Variants in CDIN1 observed in about 807,000 individuals in gnomAD.
CDIN1 encodes CDAN1 interacting nuclease 1.
Under a neutral mutation model 45.3 loss-of-function variants are expected in CDIN1, and 33 were observed. That is an observed-to-expected ratio of 0.73 (90% CI 0.55 to 0.97). The LOEUF (loss-of-function observed/expected upper bound fraction) is 0.97, where lower values mean the gene tolerates loss of function less well. CDIN1 is among the 50% of genes least tolerant of loss of function. The pLI, the probability that CDIN1 is intolerant of heterozygous loss-of-function variation, is 0.00. For missense variants in CDIN1, 303 were observed against 339.4 expected (o/e 0.89, Z 0.84); for synonymous variants, 118 against 124.4 (o/e 0.95, Z 0.34).
chr15:36,766,342 C>T (rs2053923751), intron 10 of CDIN1, among the ~76,000 whole-genome samples: 1 of 152,158 alleles, frequency 6.6e-6, no homozygotes, highest in South Asian at 2.1e-4. Context: ...ATCTTAGTTA[C>T]TGTGAATATT....
At chr15:36,607,896 A>G (rs2038455840) in intron 1 of CDIN1, among the ~76,000 whole-genome samples, 1 of 152,156 alleles carries the variant, frequency 6.6e-6, no homozygotes, top group Admixed American at 6.5e-5. Context: ...GTCCTAGGCG[A>G]TCACTAATCT....
Position 36,587,005 on chromosome 15 carries a change from C to T in CDIN1, c.101+7044C>T, listed in dbSNP as rs1470320255. ...AATTATTTTGCTAGTAGACCAAGCCCTCTGGCACAAGTTTAATTTTTCCTT... is the reference window on the plus strand; with the variant it reads ...AATTATTTTGCTAGTAGACCAAGCCTTCTGGCACAAGTTTAATTTTTCCTT... On this transcript the variant is annotated intron_variant, in intron 1 of 10. Coordinates refer to ENST00000566621, the MANE Select transcript of CDIN1 (RefSeq NM_001321759.2). Among the ~76,000 whole-genome samples the T allele has an allele frequency of 3.3e-5, 5 of 152,142 alleles. No individual in the cohort carries two copies. The East Asian group carries it at 9.6e-4, about 29-fold the overall frequency.
intron 1 of CDIN1, among the ~76,000 whole-genome samples, chr15:36,619,564 T>C (rs562650732): frequency 6.6e-6 from 1 of 152,024 alleles, no homozygotes; most frequent in Non-Finnish European, 1.5e-5. Flanking sequence ...TCTATTTTTG[T>C]TTTTGGTTTT....
chr15:36,782,361 G>T (rs1266949982), intron 10 of CDIN1, among the ~76,000 whole-genome samples: 1 of 152,068 alleles, frequency 6.6e-6, no homozygotes, highest in Non-Finnish European at 1.5e-5. Flanking sequence ...CATTTTACAA[G>T]AAAATGAGGC....
chr15:36,692,373 G>A (rs1161519057), intron 7 of CDIN1, among the ~76,000 whole-genome samples, 198 bp downstream of exon 7: 1 of 152,176 alleles, frequency 6.6e-6, no homozygotes, highest in Non-Finnish European at 1.5e-5. Context: ...ACCACAGGAA[G>A]ATGTCAGTTC....
At chr15:36,790,380 T>C (rs2054613601) in intron 10 of CDIN1, 1 of 152,228 alleles carries the variant, frequency 6.6e-6, no homozygotes, top group South Asian at 2.1e-4. Flanking sequence ...ACGCCAGTGT[T>C]GCAATATTGC....
intron 10 of CDIN1, among the ~76,000 whole-genome samples, chr15:36,760,140 T>A (rs548662050): frequency 1.3e-5 from 2 of 152,332 alleles, no homozygotes; most frequent in Admixed American, 1.3e-4. Context: ...AATGCTTGCA[T>A]TATATGGCAA....
chr15:36,738,684 T>C lies in CDIN1; in HGVS notation c.716+28723T>C, dbSNP rs374448029. On this transcript the variant is annotated intron_variant, in intron 10 of 10. Transcript: ENST00000566621. ...AGCTCACTGTCCAAAGTCAGACACA[T>C]CACCACCTTCTCAGACCTAATCTGA... Among the ~76,000 whole-genome samples the C allele has an allele frequency of 3.3e-5, 5 of 152,298 alleles. No individual in the cohort carries two copies. The East Asian group carries it at 5.8e-4, about 18-fold the overall frequency.
chr15:36,777,551 C>T (rs908897652), intron 10 of CDIN1, among the ~76,000 whole-genome samples: 2 of 152,160 alleles, frequency 1.3e-5, no homozygotes, highest in Non-Finnish European at 2.9e-5. Flanking sequence ...ATTCAGAAGA[C>T]ATTTATTGAG....
intron 10 of CDIN1, among the ~76,000 whole-genome samples, chr15:36,782,774 A>G (rs2054384976): frequency 6.6e-6 from 1 of 152,224 alleles, no homozygotes; most frequent in Non-Finnish European, 1.5e-5. Flanking sequence ...CACTAAACAC[A>G]ATAGCCATTT....
Position 36,656,598 on chromosome 15 carries a change from G to A in CDIN1, c.274-1235G>A, listed in dbSNP as rs866581562. On this transcript the variant is annotated intron_variant, in intron 4 of 10. Transcript: ENST00000566621. ...GATGGCCCTATTTCAGAGAAAGATG[G>A]ACACATGATTAATATGAAAATTAGG... Among the ~76,000 whole-genome samples the A allele has an allele frequency of 3.9e-5, 6 of 152,090 alleles. No homozygotes were observed. The East Asian group carries it at 1.2e-3, about 29-fold the overall frequency.
intron 1 of CDIN1, chr15:36,591,881 T>C (rs2037591501): frequency 6.6e-6 from 1 of 152,196 alleles, no homozygotes; most frequent in Admixed American, 6.5e-5. Context: ...CAGACTCCCA[T>C]CCCTCTAGGG....
chr15:36,745,550 T>G (rs1412975151), intron 10 of CDIN1, among the ~76,000 whole-genome samples: 2 of 152,180 alleles, frequency 1.3e-5, no homozygotes, highest in Non-Finnish European at 1.5e-5. Flanking sequence ...ATCTGTAATA[T>G]TATTATATTA....
At chr15:36,729,812 A>T (rs929710407) in intron 10 of CDIN1, among the ~76,000 whole-genome samples, 2 of 152,144 alleles carry the variant, frequency 1.3e-5, no homozygotes, top group Non-Finnish European at 2.9e-5. Flanking sequence ...CTTTAGTGCC[A>T]TTAGTCTGTC....
At chr15:36,797,864 C>T (rs1230505065) in intron 10 of CDIN1, among the ~76,000 whole-genome samples, 3 of 151,638 alleles carry the variant, frequency 2.0e-5, no homozygotes, top group African/African-American at 7.3e-5. Context: ...CCTGTAGTCC[C>T]AGCTCCTCAG....
chr15:36,603,284 C>T lies in CDIN1; in HGVS notation c.101+23323C>T, dbSNP rs543472649. Among the ~76,000 whole-genome samples, 5 of 152,198 alleles carry T rather than the reference C, an allele frequency of 3.3e-5. No homozygotes were observed. In the East Asian group the frequency reaches 5.8e-4, roughly 18 times the overall value. On this transcript the variant is annotated intron_variant, in intron 1 of 10. Transcript: ENST00000566621. ...CTTTAACTAACCTGTTTCCGTTACC[C>T]GTCTCTCTGGTGGTTGTTTATAAGG...
intron 10 of CDIN1, among the ~76,000 whole-genome samples, chr15:36,772,733 T>C (rs1403097188): frequency 6.6e-6 from 1 of 152,188 alleles, no homozygotes; most frequent in Non-Finnish European, 1.5e-5. Flanking sequence ...GGTGACCTTT[T>C]CCAGTCTTCT....
intron 1 of CDIN1, among the ~76,000 whole-genome samples, chr15:36,600,612 G>A (rs1007801789): frequency 6.6e-6 from 1 of 152,036 alleles, no homozygotes; most frequent in Non-Finnish European, 1.5e-5. Context: ...TTTTTTCCAG[G>A]TAACAGATTA....
At chr15:36,712,651 C>A (rs982229119) in intron 10 of CDIN1, among the ~76,000 whole-genome samples, 3 of 152,078 alleles carry the variant, frequency 2.0e-5, no homozygotes, top group African/African-American at 7.2e-5. Context: ...TAAGAGTTTT[C>A]TTTTATAGTA....
Sources: gnomAD v4.1 joint callset for allele counts (sites outside exome capture counted in the v4.1 genomes callset) on GRCh38, gnomAD v4.1.1 for gene constraint, MANE v1.5 for transcripts, NCBI Gene and HGNC (gene_info 2026-07-23, HGNC 2026-07-21) for gene names.